Variants in TACR2 observed in about 807,000 individuals in gnomAD.
TACR2 encodes tachykinin receptor 2, also known as substance-K receptor.
TACR2 carries 24 observed loss-of-function variants against 28.9 expected under a neutral mutation model. That is an observed-to-expected ratio of 0.83 (90% CI 0.60 to 1.17). The LOEUF is 1.17. TACR2 is among the 50% of genes most tolerant of loss of function. The pLI, the probability that TACR2 is intolerant of heterozygous loss-of-function variation, is 0.00. For missense variants in TACR2, 487 were observed against 524.4 expected, an observed-to-expected ratio of 0.93 and a Z score of 0.70; for synonymous variants, 222 against 212.6, an observed-to-expected ratio of 1.04 and a Z score of -0.38.
chr10:69,409,544 G>A (rs1201243728), intron 2 of TACR2, among the ~76,000 whole-genome samples: 1 of 152,002 alleles, frequency 6.6e-6, no homozygotes, highest in Non-Finnish European at 1.5e-5. Flanking sequence ...CCGGGTTTCA[G>A]TAACCCCTCC....
chr10:69,409,127 A>G (rs776742321), intron 2 of TACR2, 52 bp from the exon 3 acceptor site: 3 of 1,455,594 alleles, frequency 2.1e-6, no homozygotes, highest in East Asian at 5.5e-5. Flanking sequence ...GCGACTCCGA[A>G]GTCTGCCAGC....
chr10:69,410,266 C>G (rs1383143715), intron 2 of TACR2, among the ~76,000 whole-genome samples: 2 of 151,928 alleles, frequency 1.3e-5, no homozygotes, highest in African/African-American at 4.8e-5. Flanking sequence ...CCTGTAATCC[C>G]TAAACTTTGG....
In TACR2 at chr10:69,404,939, C is replaced by T. The variant is rs200810053; in HGVS notation, c.1084G>A (p.Asp362Asn). ...HTKETLFMAG[D>N]TAPSEATSGE... The stretch of plus-strand genomic sequence containing the variant: ...CTGGTAGCCTCGGAGGGGGCTGTGT[C>T]CCCAGCCATGAACAAAGTCTCCTTA... Residue 362 changes from aspartate (D) to asparagine (N), a missense_variant, in exon 5 of 5, where the codon GAC (aspartate) becomes AAC (asparagine). Asp to Asn is a conservative substitution (Grantham distance 23, BLOSUM62 1). Coordinates refer to ENST00000373306, the MANE Select transcript of TACR2 (RefSeq NM_001057.3). The T allele has an allele frequency of 6.2e-7, 1 of 1,614,148 alleles. No individual in the cohort carries two copies. Among genetic ancestry groups the T allele is most frequent in the Non-Finnish European group, 8.5e-7 (1 of 1,180,010 alleles).
Position 69,407,296 on chromosome 10 carries a change from C to T in TACR2, c.742-16G>A. 1 of 1,597,798 alleles carries T rather than the reference C, an allele frequency of 6.3e-7. No individual in the cohort carries two copies. Among genetic ancestry groups the T allele is most frequent in the South Asian group, 1.1e-5 (1 of 88,648 alleles). Reference sequence around the variant, plus strand: ...TCTTCACAAACTGGTCCAGGAGAGGCTCAAGTTACTTCTTAGTGCCCAAGC... The same window carrying T: ...TCTTCACAAACTGGTCCAGGAGAGGTTCAAGTTACTTCTTAGTGCCCAAGC... On this transcript the variant is annotated splice_polypyrimidine_tract_variant and intron_variant, in intron 3 of 4. Coordinates refer to ENST00000373306, the MANE Select transcript of TACR2 (RefSeq NM_001057.3).
chr10:69,406,747 C>T (rs1400099319), intron 4 of TACR2, among the ~76,000 whole-genome samples: 2 of 152,180 alleles, frequency 1.3e-5, no homozygotes, highest in Non-Finnish European at 2.9e-5. Flanking sequence ...CTCTCTGTGA[C>T]TCTCCCCTCC....
chr10:69,404,984 T>C lies in TACR2; in HGVS notation c.1039A>G (p.Arg347Gly), dbSNP rs1840488532. Residue 347 changes from arginine to glycine, a missense_variant, in exon 5 of 5, where the codon AGA becomes GGA. Physicochemically the swap from Arg to Gly is moderately radical, Grantham distance 125. Transcript: ENST00000373306. ...TCCTTAGTGTGACACCTGTTGACTC[T>C]CGTGGAGAGGGAGGTCGTGGGAGTC... ...ELTPTTSLST[R>G]VNRCHTKETL... is the part of the protein sequence containing the mutation. The C allele has an allele frequency of 6.2e-7, 1 of 1,614,050 alleles. No homozygotes were observed. The highest frequency in any genetic ancestry group is 1.3e-5 in the African/African-American group (1 of 74,922).
chr10:69,411,675 C>T (rs1327661522), intron 2 of TACR2, among the ~76,000 whole-genome samples: 2 of 152,156 alleles, frequency 1.3e-5, no homozygotes, highest in East Asian at 3.9e-4. Context: ...ACCAGTTCTG[C>T]TATCACACCC....
intron 2 of TACR2, among the ~76,000 whole-genome samples, chr10:69,409,733 GA>G (rs908629395): frequency 2.0e-5 from 3 of 151,220 alleles, no homozygotes; most frequent in East Asian, 3.9e-4. Flanking sequence ...GTATGTTGAG[GA>G]AAAAAACAGT....
intron 2 of TACR2, among the ~76,000 whole-genome samples, chr10:69,413,603 C>T (rs12246621): frequency 0.018 from 2,801 of 152,304 alleles, 91 homozygotes; most frequent in African/African-American, 0.064. Context: ...TCCCCAGGAA[C>T]GGCTTCTCAG....
At chr10:69,408,764 G>A (rs576723732) in intron 3 of TACR2, among the ~76,000 whole-genome samples, 158 bp downstream of exon 3, 22 of 151,186 alleles carry the variant, frequency 1.5e-4, no homozygotes, top group African/African-American at 5.3e-4. Context: ...CGTAAGGGCG[G>A]CTCCCCAGGG....
At position 69,416,480 on chromosome 10, in the gene TACR2, AG is replaced by A; in HGVS notation, c.-158del. Reference sequence around the variant, plus strand: ...ATCAGGAGAGCCTGGGGCCACTCCTAGGTCTCAGGCAAAGATGAGCTGGGCT... The same window carrying A: ...ATCAGGAGAGCCTGGGGCCACTCCTAGTCTCAGGCAAAGATGAGCTGGGCT... On this transcript the variant is annotated 5_prime_UTR_variant, in exon 1 of 5. Coordinates refer to ENST00000373306, the MANE Select transcript of TACR2 (RefSeq NM_001057.3). 1 of 972,144 alleles carries A rather than the reference AG, an allele frequency of 1.0e-6. No individual in the cohort carries two copies. The highest frequency in any genetic ancestry group is 1.5e-6 in the Non-Finnish European group (1 of 678,028). 60.2% of individuals were successfully genotyped at this position (972,144 alleles called of 1,614,324 possible).
In TACR2 at chr10:69,416,062, C is replaced by A; in HGVS notation, c.262G>T (p.Ala88Ser). The A allele has an allele frequency of 1.2e-6, 2 of 1,614,140 alleles. No individual in the cohort carries two copies. Among genetic ancestry groups the A allele is most frequent in the Non-Finnish European group, 1.7e-6 (2 of 1,180,016 alleles). Residue 88 changes from alanine to serine, a missense_variant, in exon 1 of 5, where the codon GCC becomes TCC. Ala to Ser is a moderately conservative substitution (Grantham distance 99). Transcript: ENST00000373306. ...ADLCMAAFNA[A>S]FNFVYASHNI... ...TGGCTGGCATAGACAAAGTTGAAGG[C>A]GGCATTGAAGGCAGCCATGCAGAGG...
intron 2 of TACR2, among the ~76,000 whole-genome samples, chr10:69,411,135 T>A (rs1408735252): frequency 6.6e-6 from 1 of 152,192 alleles, no homozygotes; most frequent in Non-Finnish European, 1.5e-5. Flanking sequence ...TCTTTCTTAC[T>A]GGGAGGACTG....
intron 4 of TACR2, among the ~76,000 whole-genome samples, chr10:69,405,954 C>T (rs1021960461): frequency 1.3e-5 from 2 of 152,196 alleles, no homozygotes; most frequent in African/African-American, 4.8e-5. Flanking sequence ...AATTTGGGAG[C>T]ATCTTACTTT....
chr10:69,410,527 AAAACAAAAAAAC>A (rs796848080), intron 2 of TACR2, among the ~76,000 whole-genome samples: 31 of 148,210 alleles, frequency 2.1e-4, no homozygotes, highest in African/African-American at 7.5e-4. Context: ...TCAAAAAAAA[AAAACAAAAAAAC>A]GACAGTGTCC....
chr10:69,409,922 T>TATATATATATAC (rs1564581153), intron 2 of TACR2, among the ~76,000 whole-genome samples: 62 of 90,440 alleles, frequency 6.9e-4, no homozygotes, highest in Non-Finnish European at 4.8e-4. Context: ...TATATATATA[T>TATATATATATAC]ATATATATAT....
intron 4 of TACR2, 90 bp downstream of exon 4, chr10:69,406,994 G>A (rs1840507382): frequency 7.4e-7 from 1 of 1,353,668 alleles, no homozygotes; most frequent in Non-Finnish European, 1.0e-6. Context: ...GCAGGAATGA[G>A]GATGGATGCT....
In TACR2 at chr10:69,408,509, G is replaced by A. The variant is rs145115051; in HGVS notation, c.741+413C>T. Among the ~76,000 whole-genome samples, 1,460 of 151,118 alleles carry A rather than the reference G, an allele frequency of 9.7e-3. 28 individuals carry two copies. The highest frequency in any genetic ancestry group is 0.034 in the African/African-American group (1,392 of 41,088). On this transcript the variant is annotated intron_variant, in intron 3 of 4. Transcript: ENST00000373306. Reference sequence around the variant, plus strand: ...TTTGTGGAGAACGGGGTCTCGCTATGTTGCCCAGGCAGGTCTCGAACTCCT... The same window carrying A: ...TTTGTGGAGAACGGGGTCTCGCTATATTGCCCAGGCAGGTCTCGAACTCCT...
rs1840622219 is a variant in TACR2, at chr10:69,416,608, C to G, written c.-285G>C. On this transcript the variant is annotated 5_prime_UTR_variant, in exon 1 of 5. Transcript: ENST00000373306. ...AAACACAGAATTCAAATCACAGTGT[C>G]AGAGCAGAAAACACCCTTATAAATC... is the stretch of plus-strand genomic sequence containing the variant. 2.7e-6 allele frequency: 1 copy of G among 369,202 alleles called. No homozygotes were observed. Among genetic ancestry groups the G allele is most frequent in the East Asian group, 4.3e-5 (1 of 23,184 alleles). The allele number at this position is 369,202 out of a possible 1,614,324, so 22.9% of individuals were successfully genotyped here.
Sources: allele counts gnomAD v4.1 joint callset (sites outside exome capture counted in the v4.1 genomes callset), GRCh38; gene constraint gnomAD v4.1.1; transcripts MANE v1.5; gene names NCBI Gene and HGNC (gene_info 2026-07-23, HGNC 2026-07-21).